The following VSIR variants were observed in gnomAD, a reference collection of about 807,000 sequenced individuals.
VSIR encodes V-set immunoregulatory receptor.
In VSIR, 10 loss-of-function variants were observed where a neutral mutation model predicts 31.0. That is an observed-to-expected ratio of 0.32 (90% CI 0.20 to 0.55). VSIR has a LOEUF of 0.55. VSIR is among the 20% of genes least tolerant of loss of function. The probability of loss-of-function intolerance (pLI) is 0.93; values close to 1 mark genes in which losing one functional copy is unlikely to be tolerated. For missense variants in VSIR, 356 were observed against 416.2 expected, an observed-to-expected ratio of 0.86 and a Z score of 1.26; for synonymous variants, 179 against 180.1, an observed-to-expected ratio of 0.99 and a Z score of 0.05.
At chr10:71,766,368 C>T (rs913311698) in intron 1 of VSIR, among the ~76,000 whole-genome samples, 5 of 152,162 alleles carry the variant, frequency 3.3e-5, no homozygotes, top group African/African-American at 4.8e-5. Flanking sequence ...CGCCCGCCAC[C>T]CGCCACCTGC....
Position 71,761,916 on chromosome 10 carries a change from C to A in VSIR, c.193G>T (p.Asp65Tyr). 1 of 1,614,060 alleles carries A rather than the reference C, an allele frequency of 6.2e-7. No individual in the cohort carries two copies. The highest frequency in any genetic ancestry group is 1.1e-5 in the South Asian group (1 of 91,086). ...TACCACGTCTTGTAGAAGGTCACAT[C>A]GTGCCCTTTGTCCACAGGGCCCAAG... is the stretch of plus-strand genomic sequence containing the variant. The part of the protein sequence containing the change: ...RLLGPVDKGH[D>Y]VTFYKTWYRS... The change falls in exon 2 of 7, where the codon GAT (aspartate) becomes TAT (tyrosine). Residue 65 changes from aspartate to tyrosine, a missense_variant. Around this residue, in one of 2 missense-constraint regions of VSIR, gnomAD observed 166 missense variants for 231.0 expected, o/e 0.72. Coordinates refer to ENST00000394957, the MANE Select transcript of VSIR (RefSeq NM_022153.2).
At chr10:71,764,665 C>T (rs1386213129) in intron 1 of VSIR, among the ~76,000 whole-genome samples, 1 of 152,174 alleles carries the variant, frequency 6.6e-6, no homozygotes, top group Non-Finnish European at 1.5e-5. Context: ...AGAGTCCGTC[C>T]GTACTACTCC....
intron 3 of VSIR, among the ~76,000 whole-genome samples, chr10:71,759,636 A>G (rs1840243708): frequency 6.6e-6 from 1 of 151,834 alleles, no homozygotes. Flanking sequence ...GTGAAACCCC[A>G]GCTCCACTAA....
At position 71,751,422 on chromosome 10, in the gene VSIR, G is replaced by T; in HGVS notation, c.899-132C>A. The T allele has an allele frequency of 2.4e-6, 1 of 419,130 alleles. No homozygotes were observed. The highest frequency in any genetic ancestry group is 4.8e-5 in the Admixed American group (1 of 20,678). 26.0% of individuals were successfully genotyped at this position (419,130 alleles called of 1,614,324 possible). A position where few individuals can be genotyped will look rare whatever the true frequency, so the allele number is the denominator to read the frequency against. ...TGTCCCTCACCCTCAACCCCACCCC[G>T]TGAGGCCGTGGAACTCTTCAGGGAG... On this transcript the variant is annotated intron_variant, in intron 6 of 6. Coordinates refer to ENST00000394957, the MANE Select transcript of VSIR (RefSeq NM_022153.2). This position sits in a 1 kb window ranked among gnomAD's most constrained non-coding sequence, Gnocchi z 4.9.
In VSIR at chr10:71,773,486, G is replaced by T. The variant is rs1417676631; in HGVS notation, c.-47C>A. 2 of 1,544,556 alleles carry T rather than the reference G, an allele frequency of 1.3e-6. No homozygotes were observed. The highest frequency in any genetic ancestry group is 2.4e-5 in the East Asian group (1 of 41,666). On this transcript the variant is annotated 5_prime_UTR_variant, in exon 1 of 7. Transcript: ENST00000394957. The stretch of plus-strand genomic sequence containing the variant: ...GAACTTCTGGTGCCGGGGAGCGGGC[G>T]GGACGCGGCCGGCGCGGGGAAGCCT...
chr10:71,769,417 CTAA>C (rs1281723701), intron 1 of VSIR, among the ~76,000 whole-genome samples: 3 of 152,110 alleles, frequency 2.0e-5, no homozygotes, highest in Non-Finnish European at 4.4e-5. Context: ...TGGCTTTCCA[CTAA>C]TGACAGCGAT....
intron 3 of VSIR, among the ~76,000 whole-genome samples, chr10:71,760,316 T>C (rs67406844): frequency 0.26 from 30,812 of 116,474 alleles, 9,335 homozygotes; most frequent in African/African-American, 0.64. Flanking sequence ...TACACACACA[T>C]ATATATATAT....
chr10:71,755,449 G>T lies in VSIR; in HGVS notation c.586C>A (p.Leu196Met). ...QDSENITAAA[L>M]ATGACIVGIL... ...CCTACGATGCAGGCACCCGTAGCCAGGGCTGCAGCCGTGATGTCTGAAAGG... is the reference window on the plus strand; with the variant it reads ...CCTACGATGCAGGCACCCGTAGCCATGGCTGCAGCCGTGATGTCTGAAAGG... The change falls in exon 4 of 7, where the codon CTG becomes ATG. Residue 196 changes from leucine to methionine, a missense_variant. This residue lies in a region of VSIR where 190 missense variants were observed against 185.2 expected (regional missense o/e 1.03). Transcript: ENST00000394957. 1 of 1,612,458 alleles carries T rather than the reference G, an allele frequency of 6.2e-7. No homozygotes were observed.
chr10:71,769,760 T>C lies in VSIR; in HGVS notation c.82+3598A>G, dbSNP rs558525527. Among the ~76,000 whole-genome samples the C allele has an allele frequency of 7.2e-5, 11 of 152,324 alleles. No homozygotes were observed. In the South Asian group the frequency reaches 2.3e-3, roughly 32 times the overall value. On this transcript the variant is annotated intron_variant, in intron 1 of 6. Transcript: ENST00000394957. Reference sequence around the variant, plus strand: ...ACGCAGAAAGGCTAAAGGAATGGGCTTGCTTGGCTTGGTAAGTAGCAGAGC... The same window carrying C: ...ACGCAGAAAGGCTAAAGGAATGGGCCTGCTTGGCTTGGTAAGTAGCAGAGC...
At chr10:71,765,660 A>G (rs1840522225) in intron 1 of VSIR, among the ~76,000 whole-genome samples, 1 of 152,144 alleles carries the variant, frequency 6.6e-6, no homozygotes, top group East Asian at 1.9e-4. Context: ...TGGGTGCATC[A>G]GAGAGAAAGC....
At position 71,762,769 on chromosome 10, in the gene VSIR, C is replaced by T. The variant is rs190764794; in HGVS notation, c.83-743G>A. On this transcript the variant is annotated intron_variant, in intron 1 of 6. Coordinates refer to ENST00000394957, the MANE Select transcript of VSIR (RefSeq NM_022153.2). ...CAAGATAGTGTGAAAATGGGAAAACCCAGTGTCTGAGGGACCGGGACAGAG... is the reference window on the plus strand; with the variant it reads ...CAAGATAGTGTGAAAATGGGAAAACTCAGTGTCTGAGGGACCGGGACAGAG... 3.9e-5 allele frequency among the ~76,000 whole-genome samples: 6 copies of T among 152,312 alleles called. No homozygotes were observed. In the East Asian group the frequency reaches 1.2e-3, roughly 29 times the overall value.
chr10:71,761,430 C>T (rs1159479016), intron 2 of VSIR, among the ~76,000 whole-genome samples, 168 bp downstream of exon 2: 4 of 152,116 alleles, frequency 2.6e-5, no homozygotes, highest in Admixed American at 2.0e-4. Flanking sequence ...AACTACAAAC[C>T]CACACTCCAC....
intron 3 of VSIR, among the ~76,000 whole-genome samples, chr10:71,758,499 T>G (rs955887349): frequency 6.6e-6 from 1 of 152,186 alleles, no homozygotes; most frequent in Non-Finnish European, 1.5e-5. Context: ...CTTAGGGCAG[T>G]GCCCTCTTAC....
intron 5 of VSIR, among the ~76,000 whole-genome samples, chr10:71,752,229 G>A (rs1003857103): frequency 6.6e-6 from 1 of 152,178 alleles, no homozygotes; most frequent in Non-Finnish European, 1.5e-5. Flanking sequence ...CATTAGGATC[G>A]AACATCCCCA....
chr10:71,753,676 GT>G (rs1208772444), intron 4 of VSIR: 1 of 440,074 alleles, frequency 2.3e-6, no homozygotes, highest in East Asian at 7.1e-5. Context: ...ATTAGATGCA[GT>G]GACCCCAACT....
At chr10:71,758,051 G>T (rs138754916) in intron 3 of VSIR, among the ~76,000 whole-genome samples, 40 of 152,246 alleles carry the variant, frequency 2.6e-4, no homozygotes, top group African/African-American at 8.9e-4. Flanking sequence ...GCTGGCACTG[G>T]GGCTGGGCAT....
chr10:71,772,291 T>A (rs1840702861), intron 1 of VSIR, among the ~76,000 whole-genome samples: 1 of 152,066 alleles, frequency 6.6e-6, no homozygotes, highest in Non-Finnish European at 1.5e-5. Flanking sequence ...TCTTATCCTA[T>A]CACCCTCTCC....
Position 71,750,805 on chromosome 10 carries a change from C to T in VSIR, c.*448G>A, listed in dbSNP as rs180896787. On this transcript the variant is annotated 3_prime_UTR_variant, in exon 7 of 7. Transcript: ENST00000394957. ...GACAGAAGAGCAGCCTCGGGCAAAA[C>T]GGGGGAGCCAAGGCGGCCACGGGGG... 4.6e-4 allele frequency: 73 copies of T among 157,414 alleles called. No homozygotes were observed. The Middle Eastern group carries it at 0.022, about 48-fold the overall frequency. The allele number at this position is 157,414 out of a possible 1,614,324, so 9.8% of individuals were successfully genotyped here. A position where few individuals can be genotyped will look rare whatever the true frequency, so the allele number is the denominator to read the frequency against.
rs190635139 is a variant in VSIR at position 71,763,303 on chromosome 10, C to T, written c.83-1277G>A. 1.5e-4 allele frequency among the ~76,000 whole-genome samples: 23 copies of T among 152,320 alleles called. No homozygotes were observed. The East Asian group carries it at 3.1e-3, about 20-fold the overall frequency. On this transcript the variant is annotated intron_variant, in intron 1 of 6. Coordinates refer to ENST00000394957, the MANE Select transcript of VSIR (RefSeq NM_022153.2). ...GATTACAAGTGTGACCCACTACGCC[C>T]GGCCAGTGGTATTTTTATTTTAAAT...
Sources: gnomAD v4.1 joint callset for allele counts (sites outside exome capture counted in the v4.1 genomes callset) on GRCh38, gnomAD v4.1.1 for gene constraint, gnomAD v4.1.1 regional missense constraint, Gnocchi (gnomAD v3.1) non-coding constraint, MANE v1.5 for transcripts, NCBI Gene and HGNC (gene_info 2026-07-23, HGNC 2026-07-21) for gene names.